The following SGCG variants were observed in gnomAD, a reference collection of about 807,000 sequenced individuals.
SGCG encodes sarcoglycan gamma, also known as gamma-sarcoglycan.
In SGCG, 26 loss-of-function variants were observed where a neutral mutation model predicts 29.3. That is an observed-to-expected ratio of 0.89 (90% confidence interval 0.65 to 1.23). The LOEUF is 1.23. SGCG is among the 50% of genes most tolerant of loss of function. SGCG has a pLI of 0.00. For synonymous variants in SGCG, 145 were observed against 129.7 expected, an observed-to-expected ratio of 1.12 and a Z score of -0.80; for missense variants, 353 against 356.0, an observed-to-expected ratio of 0.99 and a Z score of 0.07.
intron 5 of SGCG, among the ~76,000 whole-genome samples, chr13:23,292,900 G>A (rs1881770282): frequency 6.6e-6 from 1 of 152,170 alleles, no homozygotes; most frequent in African/African-American, 2.4e-5. Context: ...TTGACTTGAG[G>A]TGTATTAAAA....
chr13:23,258,154 C>T (rs1023026954), intron 4 of SGCG, among the ~76,000 whole-genome samples: 21 of 152,092 alleles, frequency 1.4e-4, no homozygotes, highest in Non-Finnish European at 2.8e-4. Context: ...GCCGTTTTCA[C>T]GATATTGATT....
the SGCG span, chr13:23,170,427 A>C: frequency 6.6e-6 from 1 of 152,188 alleles, no homozygotes; most frequent in Non-Finnish European, 1.5e-5. Flanking sequence ...CAACTGGCAC[A>C]TATGGCAGAG....
chr13:23,181,386 A>G (rs1876729920), intron 1 of SGCG, among the ~76,000 whole-genome samples: 1 of 152,206 alleles, frequency 6.6e-6, no homozygotes, highest in Admixed American at 6.5e-5. Context: ...TGGATCCTGT[A>G]GTTAATTTAA....
chr13:23,261,887 A>C (rs1413049419), intron 4 of SGCG, among the ~76,000 whole-genome samples: 1 of 152,092 alleles, frequency 6.6e-6, no homozygotes, highest in East Asian at 1.9e-4. Context: ...GTCAGCCAAG[A>C]ATTTTGTATC....
intron 6 of SGCG, among the ~76,000 whole-genome samples, chr13:23,299,407 C>CAT (rs1191940207): frequency 1.2e-3 from 29 of 23,918 alleles, no homozygotes; most frequent in African/African-American, 2.9e-3. Flanking sequence ...TCTTAGTTGG[C>CAT]ATATATATAT....
At chr13:23,222,090 G>C (rs909026523) in intron 2 of SGCG, among the ~76,000 whole-genome samples, 1 of 152,128 alleles carries the variant, frequency 6.6e-6, no homozygotes, top group African/African-American at 2.4e-5. Context: ...TGTAGTTTTG[G>C]CCTAGATGTT....
intron 4 of SGCG, among the ~76,000 whole-genome samples, chr13:23,258,489 G>A (rs1229740422): frequency 6.6e-6 from 1 of 152,180 alleles, no homozygotes; most frequent in Admixed American, 6.5e-5. Context: ...CATGTCATCT[G>A]CAAATAGGGA....
chr13:23,219,921 C>T (rs181914789), intron 2 of SGCG, among the ~76,000 whole-genome samples: 2 of 150,446 alleles, frequency 1.3e-5, no homozygotes, highest in South Asian at 2.1e-4. Flanking sequence ...CTGCAAGCTC[C>T]GCCTTCTGGG....
At chr13:23,235,849 A>C (rs1362042933) in intron 3 of SGCG, among the ~76,000 whole-genome samples, 1 of 152,234 alleles carries the variant, frequency 6.6e-6, no homozygotes, top group East Asian at 1.9e-4. Flanking sequence ...TTAGAAAAGA[A>C]ACAAAAGACT....
intron 4 of SGCG, among the ~76,000 whole-genome samples, chr13:23,253,671 T>C (rs1334269032): frequency 6.6e-6 from 1 of 152,248 alleles, no homozygotes; most frequent in Admixed American, 6.5e-5. Flanking sequence ...ATGATTTGGA[T>C]GTGCGTCCCC....
chr13:23,294,642 T>A (rs1220590358), intron 5 of SGCG, among the ~76,000 whole-genome samples: 4 of 152,238 alleles, frequency 2.6e-5, no homozygotes, highest in Admixed American at 2.6e-4. Flanking sequence ...CACATATTGT[T>A]ATTTATGTAT....
chr13:23,320,620 T>A lies in SGCG; in HGVS notation c.579-17T>A. On this transcript the variant is annotated splice_polypyrimidine_tract_variant and intron_variant, in intron 6 of 7. Coordinates refer to ENST00000218867, the MANE Select transcript of SGCG (RefSeq NM_000231.3). ...TACTTTTTTTTTTTTTTTTTGTGCTTCTTTTCCTCATCTCAGATTAGAATC... is the reference window on the plus strand; with the variant it reads ...TACTTTTTTTTTTTTTTTTTGTGCTACTTTTCCTCATCTCAGATTAGAATC... 6.8e-7 allele frequency: 1 copy of A among 1,471,126 alleles called. No individual in the cohort carries two copies. The highest frequency in any genetic ancestry group is 9.3e-7 in the Non-Finnish European group (1 of 1,075,954). The allele number at this position is 1,471,126 out of a possible 1,614,324, so 91.1% of individuals were successfully genotyped here. A position where few individuals can be genotyped will look rare whatever the true frequency, so the allele number is the denominator to read the frequency against.
intron 4 of SGCG, among the ~76,000 whole-genome samples, chr13:23,270,019 C>T (rs1432037288): frequency 3.3e-5 from 5 of 151,910 alleles, no homozygotes; most frequent in Non-Finnish European, 4.4e-5. Flanking sequence ...GGACTACAGG[C>T]GCCCGCCACC....
intron 3 of SGCG, among the ~76,000 whole-genome samples, chr13:23,248,183 C>A (rs1310893422): frequency 1.3e-5 from 2 of 151,626 alleles, no homozygotes; most frequent in Non-Finnish European, 2.9e-5. Context: ...CCGAGTTTTC[C>A]TTTCCAAAAA....
intron 5 of SGCG, 100 bp downstream of exon 5, chr13:23,279,578 T>G (rs1487071587): frequency 8.2e-7 from 1 of 1,226,920 alleles, no homozygotes; most frequent in African/African-American, 1.5e-5. Flanking sequence ...TTCAAGCAGA[T>G]AAGAGAGTTT....
rs1238421238 is a variant in SGCG, at chr13:23,259,461, C to G, written c.385+8744C>G. ...CTTCTTTATTAGTGTTCCTAGCGGT[C>G]TATCAATTTTGTTGATCTTTTCAAA... On this transcript the variant is annotated intron_variant, in intron 4 of 7. Transcript: ENST00000218867. 2.0e-5 allele frequency among the ~76,000 whole-genome samples: 3 copies of G among 152,050 alleles called. No individual in the cohort carries two copies. The East Asian group carries it at 5.8e-4, about 29-fold the overall frequency.
upstream of SGCG, among the ~76,000 whole-genome samples, chr13:23,177,564 C>CA (rs1419432540): frequency 4.4e-5 from 6 of 135,120 alleles, no homozygotes; most frequent in South Asian, 1.4e-3. Context: ...GGCATGTGAG[C>CA]AGGCTTTTTT....
At chr13:23,276,384 T>C (rs377383605) in intron 4 of SGCG, among the ~76,000 whole-genome samples, 7 of 151,680 alleles carry the variant, frequency 4.6e-5, no homozygotes, top group Admixed American at 3.9e-4. Context: ...TGGAGATCCC[T>C]GTTCTTCCTT....
intron 4 of SGCG, among the ~76,000 whole-genome samples, chr13:23,276,777 G>A (rs370691379): frequency 1.3e-5 from 2 of 152,324 alleles, no homozygotes; most frequent in African/African-American, 4.8e-5. Context: ...CAGGCATCGC[G>A]TCTCCGGACG....
Sources: gnomAD v4.1 joint callset for allele counts (sites outside exome capture counted in the v4.1 genomes callset) on GRCh38, gnomAD v4.1.1 for gene constraint, MANE v1.5 for transcripts, NCBI Gene and HGNC (gene_info 2026-07-23, HGNC 2026-07-21) for gene names.